MAPK8IP3: variants seen among roughly 807,000 people sequenced by gnomAD.
MAPK8IP3 encodes mitogen-activated protein kinase 8 interacting protein 3.
A neutral mutation model predicts 157.8 loss-of-function variants in MAPK8IP3; 49 were observed. That is an observed-to-expected ratio of 0.31 (90% confidence interval 0.25 to 0.39). The LOEUF (loss-of-function observed/expected upper bound fraction) is 0.39, where lower values mean the gene tolerates loss of function less well. Ranked by LOEUF, MAPK8IP3 falls within the 10% of genes least tolerant of loss-of-function variation. MAPK8IP3 has a pLI of 1.00. For missense variants in MAPK8IP3, 1,478 were observed against 1,889.4 expected, an observed-to-expected ratio of 0.78 and a Z score of 4.04; for synonymous variants, 897 against 777.7, an observed-to-expected ratio of 1.15 and a Z score of -2.55.
chr16:1,706,740 C>T lies in MAPK8IP3; in HGVS notation c.318+83C>T. On this transcript the variant is annotated intron_variant, in intron 1 of 31. Transcript: ENST00000610761. The surrounding 1 kb of genome is among the most constrained non-coding windows in gnomAD (Gnocchi z 5.1). ...GCCCCGGACCCAACACCCGTCCCGA[C>T]CCCAGACCCCGCTCCGGCACCCCGG... 2 of 1,373,362 alleles carry T rather than the reference C, an allele frequency of 1.5e-6. No individual in the cohort carries two copies. Among genetic ancestry groups the T allele is most frequent in the Admixed American group, 2.7e-5 (1 of 36,640 alleles). The allele number at this position is 1,373,362 out of a possible 1,614,324, so 85.1% of individuals were successfully genotyped here. A position where few individuals can be genotyped will look rare whatever the true frequency, so the allele number is the denominator to read the frequency against.
chr16:1,716,266 T>TTG (rs1478597734), intron 1 of MAPK8IP3, among the ~76,000 whole-genome samples: 4 of 151,996 alleles, frequency 2.6e-5, no homozygotes, highest in African/African-American at 9.7e-5. Context: ...AAAAACTGGC[T>TTG]TGGATTACTA....
chr16:1,735,844 C>T (rs116053339), intron 4 of MAPK8IP3, among the ~76,000 whole-genome samples: 2,577 of 130,916 alleles, frequency 0.02, 100 homozygotes, highest in African/African-American at 0.071. Context: ...AGAGCGTGAC[C>T]GCCCGTGTGA....
At position 1,766,546 on chromosome 16, in the gene MAPK8IP3, C is replaced by T. The variant is rs754223018; in HGVS notation, c.2837C>T (p.Pro946Leu). 1 of 1,612,050 alleles carries T rather than the reference C, an allele frequency of 6.2e-7. No individual in the cohort carries two copies. The highest frequency in any genetic ancestry group is 8.5e-7 in the Non-Finnish European group (1 of 1,179,852). ...PQPGSENGPE[P>L]DSSSTRPEPE... is the part of the protein sequence containing the mutation. The stretch of plus-strand genomic sequence containing the variant: ...TCCTGCAGCGAGAACGGGCCAGAGC[C>T]TGACAGCAGCAGCACACGGCCAGAG... Residue 946 changes from proline (P) to leucine (L), a missense_variant, in exon 23 of 32, where the codon CCT becomes CTT. Pro to Leu is a moderately conservative substitution (Grantham distance 98). Coordinates refer to ENST00000610761, the MANE Select transcript of MAPK8IP3 (RefSeq NM_001318852.2).
At chr16:1,734,437 A>C (rs956693103) in intron 4 of MAPK8IP3, among the ~76,000 whole-genome samples, 1 of 152,084 alleles carries the variant, frequency 6.6e-6, no homozygotes, top group African/African-American at 2.4e-5. Flanking sequence ...CTGCCTCCCC[A>C]GGCCGAGACC....
In MAPK8IP3 at chr16:1,724,422, C is replaced by A; in HGVS notation, c.319-135C>A. The A allele has an allele frequency of 8.1e-7, 1 of 1,237,086 alleles. No individual in the cohort carries two copies. The highest frequency in any genetic ancestry group is 1.1e-6 in the Non-Finnish European group (1 of 897,524). The allele number at this position is 1,237,086 out of a possible 1,614,324, so 76.6% of individuals were successfully genotyped here. A position where few individuals can be genotyped will look rare whatever the true frequency, so the allele number is the denominator to read the frequency against. The stretch of plus-strand genomic sequence containing the variant: ...CGTGGCGGGAAGCCCCCATTCCGGC[C>A]TGGCCATGGGCCAGCTTGTGGCCCT... On this transcript the variant is annotated intron_variant, in intron 1 of 31. Transcript: ENST00000610761. The surrounding 1 kb of genome is among the most constrained non-coding windows in gnomAD (Gnocchi z 4.1).
chr16:1,718,096 G>A (rs2038275406), intron 1 of MAPK8IP3, among the ~76,000 whole-genome samples: 1 of 151,840 alleles, frequency 6.6e-6, no homozygotes, highest in South Asian at 2.1e-4. Context: ...CTCAAGGTTC[G>A]CCCGCCTCGG....
chr16:1,745,934 T>C (rs1167300477), intron 5 of MAPK8IP3: 1 of 152,268 alleles, frequency 6.6e-6, no homozygotes, highest in African/African-American at 2.4e-5. Context: ...GGCCATGACT[T>C]CTGGAAGTCC....
chr16:1,765,753 G>A (rs2042219532), intron 20 of MAPK8IP3, among the ~76,000 whole-genome samples: 1 of 152,214 alleles, frequency 6.6e-6, no homozygotes, highest in South Asian at 2.1e-4. Flanking sequence ...TGGCCCAGGG[G>A]CCTACCCAAC....
chr16:1,719,410 G>C (rs1378938140), intron 1 of MAPK8IP3, among the ~76,000 whole-genome samples: 1 of 152,154 alleles, frequency 6.6e-6, no homozygotes, highest in African/African-American at 2.4e-5. Context: ...AATCAATCTA[G>C]AAGGAGAAAT....
In MAPK8IP3 at chr16:1,768,624, T is replaced by A; in HGVS notation, c.3890T>A (p.Ile1297Asn). 6 of 1,604,714 alleles carry A rather than the reference T, an allele frequency of 3.7e-6. No individual in the cohort carries two copies. Among genetic ancestry groups the A allele is most frequent in the Non-Finnish European group, 5.1e-6 (6 of 1,176,076 alleles). ...SGGEGYIDFR[I>N]GDGEDDETEE... is the part of the protein sequence containing the mutation. ...GGGGAGGGCTACATCGACTTCCGCA[T>A]TGGTGAGCGGGGCCCAGGGACAGGG... The change falls in exon 31 of 32, where the codon ATT becomes AAT. Residue 1297 changes from isoleucine to asparagine, a missense_variant and splice_region_variant. This residue lies in a region of MAPK8IP3 where 133 missense variants were observed against 133.4 expected (regional missense o/e 1.00). Coordinates refer to ENST00000610761, the MANE Select transcript of MAPK8IP3 (RefSeq NM_001318852.2).
At chr16:1,737,662 G>A (rs1252189528) in intron 4 of MAPK8IP3, among the ~76,000 whole-genome samples, 33 of 76,384 alleles carry the variant, frequency 4.3e-4, no homozygotes, top group Admixed American at 7.4e-4. Context: ...CCGTGTGAGC[G>A]TCCGTGTGAG....
At chr16:1,732,897 A>C (rs1484974437) in intron 4 of MAPK8IP3, among the ~76,000 whole-genome samples, 2 of 147,224 alleles carry the variant, frequency 1.4e-5, no homozygotes, top group Non-Finnish European at 3.0e-5. Flanking sequence ...TGAGAACTAC[A>C]CCGGGGCGTG....
At chr16:1,760,651 C>T (rs1204602015) in intron 12 of MAPK8IP3, 119 bp downstream of exon 12, 2 of 1,233,906 alleles carry the variant, frequency 1.6e-6, no homozygotes, top group Non-Finnish European at 1.1e-6. Context: ...GCCTACCTAC[C>T]TCCAGCTCCA....
rs778572584 is a variant in MAPK8IP3 at position 1,766,357 on chromosome 16, C to T, written c.2767C>T (p.His923Tyr). 1 of 1,612,654 alleles carries T rather than the reference C, an allele frequency of 6.2e-7. No individual in the cohort carries two copies. Among genetic ancestry groups the T allele is most frequent in the Non-Finnish European group, 8.5e-7 (1 of 1,179,950 alleles). Residue 923 changes from histidine (H) to tyrosine (Y), a missense_variant, in exon 22 of 32, where the codon CAC (histidine) becomes TAC (tyrosine). Physicochemically the swap from His to Tyr is moderately conservative, Grantham distance 83. Transcript: ENST00000610761. ...ATTGCGGCCCGGGCCTCTCACAGAGCACGTCTTCACTGACCCAGCCCCGAC... is the reference window on the plus strand; with the variant it reads ...ATTGCGGCCCGGGCCTCTCACAGAGTACGTCTTCACTGACCCAGCCCCGAC... ...ATLRPGPLTE[H>Y]VFTDPAPTPS...
intron 11 of MAPK8IP3, 143 bp from the exon 12 acceptor site, chr16:1,760,237 A>G (rs1054971325): frequency 9.0e-5 from 101 of 1,123,486 alleles, no homozygotes; most frequent in Non-Finnish European, 1.3e-5. Context: ...TTTAGCTAAG[A>G]TGGGGATGGG....
At chr16:1,737,408 CCGTCCGTGTGAG>C (rs1265960706) in intron 4 of MAPK8IP3, among the ~76,000 whole-genome samples, 3 of 85,648 alleles carry the variant, frequency 3.5e-5, no homozygotes, top group African/African-American at 4.7e-5. Context: ...ATCTGTGTGA[CCGTCCGTGTGAG>C]CGTCCGTGTG....
rs759793233 is a variant in MAPK8IP3, at chr16:1,761,271, C to T, written c.1505C>T (p.Ala502Val). The change falls in exon 13 of 32, where the codon GCG becomes GTG. Residue 502 changes from alanine (A) to valine (V), a missense_variant. By Grantham distance (64) the Ala-to-Val change is moderately conservative. Transcript: ENST00000610761. ...GCCCGCCGTGAACCCAAAGAAGAGG[C>T]GGAGGATGTAAGCAGCTATCTCTGT... ...IIARREPKEEAEDVSSYLCTE... is the reference protein window; with the variant it reads ...IIARREPKEEVEDVSSYLCTE... 4.3e-6 allele frequency: 7 copies of T among 1,613,724 alleles called. No homozygotes were observed. The highest frequency in any genetic ancestry group is 2.2e-5 in the East Asian group (1 of 44,882).
Position 1,747,158 on chromosome 16 carries a change from C to T in MAPK8IP3, c.877C>T (p.Leu293=). 6.2e-7 allele frequency: 1 copy of T among 1,614,078 alleles called. No homozygotes were observed. The highest frequency in any genetic ancestry group is 8.5e-7 in the Non-Finnish European group (1 of 1,180,026). The part of the protein sequence containing the change: ...SAAVTPLNES[L]QPLGDYGVGS... ...CGCCGTCACACCCCTCAACGAGAGCCTGCAGCCCCTGGGGGACTATGGCGT... is the reference window on the plus strand; with the variant it reads ...CGCCGTCACACCCCTCAACGAGAGCTTGCAGCCCCTGGGGGACTATGGCGT... Residue 293 remains leucine, a synonymous_variant, in exon 6 of 32, where the codon CTG becomes TTG. Transcript: ENST00000610761.
chr16:1,750,738 C>G (rs1033466909), intron 8 of MAPK8IP3, among the ~76,000 whole-genome samples: 1 of 151,696 alleles, frequency 6.6e-6, no homozygotes, highest in Non-Finnish European at 1.5e-5. Context: ...TCTGCCTTCC[C>G]GGGTTGAAGC....
Sources: allele counts gnomAD v4.1 joint callset (sites outside exome capture counted in the v4.1 genomes callset), GRCh38; gene constraint gnomAD v4.1.1; regional missense constraint gnomAD v4.1.1; non-coding constraint Gnocchi (gnomAD v3.1); transcripts MANE v1.5; gene names NCBI Gene and HGNC (gene_info 2026-07-23, HGNC 2026-07-21).